Variants in RALYL observed in about 807,000 individuals in gnomAD.
RALYL encodes the protein RALY RNA binding protein like, also known as RNA-binding Raly-like protein.
Under a neutral mutation model 35.1 loss-of-function variants are expected in RALYL, and 29 were observed. The ratio of observed to expected loss-of-function variants is 0.83; its 90% CI spans 0.61 to 1.13. RALYL has a LOEUF of 1.13. RALYL is among the 50% of genes most tolerant of loss of function. The pLI, the probability that RALYL is intolerant of heterozygous loss-of-function variation, is 0.00. For missense variants in RALYL, 359 were observed against 360.4 expected, an observed-to-expected ratio of 1.00 and a Z score of 0.03; for synonymous variants, 120 against 127.6, an observed-to-expected ratio of 0.94 and a Z score of 0.40.
intron 2 of RALYL, among the ~76,000 whole-genome samples, chr8:84,661,549 G>T (rs1588844728): frequency 6.7e-6 from 1 of 148,528 alleles, no homozygotes; most frequent in Non-Finnish European, 1.5e-5. Context: ...GAATTATTTT[G>T]ATATAGGCAT....
chr8:84,856,086 C>T (rs1299964440), intron 5 of RALYL, among the ~76,000 whole-genome samples: 1 of 152,190 alleles, frequency 6.6e-6, no homozygotes, highest in Non-Finnish European at 1.5e-5. Context: ...TTTGAACTAT[C>T]CTCTGGTAGT....
intron 1 of RALYL, among the ~76,000 whole-genome samples, chr8:84,358,030 G>A (rs772921613): frequency 1.6e-4 from 25 of 151,614 alleles, no homozygotes; most frequent in Admixed American, 1.1e-3. Context: ...TAATTTTGAA[G>A]AATACATTAG....
intron 1 of RALYL, among the ~76,000 whole-genome samples, chr8:84,329,953 A>C (rs542735421): frequency 6.6e-6 from 1 of 152,040 alleles, no homozygotes; most frequent in Non-Finnish European, 1.5e-5. Context: ...TAAAAGCACT[A>C]CCTTATAGTT....
intron 1 of RALYL, among the ~76,000 whole-genome samples, chr8:84,232,570 G>C (rs765650241): frequency 6.6e-6 from 1 of 152,048 alleles, no homozygotes; most frequent in Non-Finnish European, 1.5e-5. Context: ...CTTAAAAAAT[G>C]CAAAGACAGT....
At position 84,226,784 on chromosome 8, in the gene RALYL, C is replaced by G. The variant is rs112190900; in HGVS notation, c.-24+42360C>G. Among the ~76,000 whole-genome samples the G allele has an allele frequency of 8.1e-3, 1,229 of 152,162 alleles. 23 individuals are homozygous for G. The highest frequency in any genetic ancestry group is 0.028 in the African/African-American group (1,157 of 41,514). ...AATTTCTCTATACGGTGTTTAAGAA[C>G]AATTTTCAAAATTAAAAATCCAGTT... is the stretch of plus-strand genomic sequence containing the variant. On this transcript the variant is annotated intron_variant, in intron 1 of 8. Coordinates refer to ENST00000521268, the MANE Select transcript of RALYL (RefSeq NM_173848.7).
intron 2 of RALYL, among the ~76,000 whole-genome samples, chr8:84,668,538 A>G (rs998383914): frequency 6.6e-6 from 1 of 152,176 alleles, no homozygotes; most frequent in Non-Finnish European, 1.5e-5. Flanking sequence ...TTCCAACATT[A>G]TGCTGAGAAG....
intron 1 of RALYL, among the ~76,000 whole-genome samples, chr8:84,496,545 A>G (rs890770666): frequency 6.6e-6 from 1 of 152,172 alleles, no homozygotes; most frequent in Non-Finnish European, 1.5e-5. Flanking sequence ...TGAAGCTGCT[A>G]TATATACACT....
chr8:84,815,014 T>C (rs1239502158), intron 4 of RALYL, among the ~76,000 whole-genome samples: 1 of 152,172 alleles, frequency 6.6e-6, no homozygotes, highest in Non-Finnish European at 1.5e-5. Context: ...ACCTCCATTG[T>C]TTTCCATACA....
At chr8:84,460,666 T>C (rs1357926036) in intron 1 of RALYL, among the ~76,000 whole-genome samples, 3 of 151,630 alleles carry the variant, frequency 2.0e-5, no homozygotes, top group Non-Finnish European at 4.4e-5. Context: ...TATATGAAAA[T>C]AATATAACTA....
At chr8:84,633,874 A>G (rs1230894942) in intron 2 of RALYL, among the ~76,000 whole-genome samples, 1 of 151,872 alleles carries the variant, frequency 6.6e-6, no homozygotes, top group Admixed American at 6.6e-5. Context: ...AGTCCTACTT[A>G]TAATTGTTTG....
At chr8:84,529,860 C>T (rs2059159817) in intron 2 of RALYL, among the ~76,000 whole-genome samples, 1 of 152,138 alleles carries the variant, frequency 6.6e-6, no homozygotes, top group South Asian at 2.1e-4. Flanking sequence ...TCAGGTTTAA[C>T]TTTATTTGAC....
intron 2 of RALYL, among the ~76,000 whole-genome samples, chr8:84,554,786 G>A (rs890345484): frequency 6.6e-6 from 1 of 152,114 alleles, no homozygotes; most frequent in African/African-American, 2.4e-5. Flanking sequence ...CTATATAAAT[G>A]CAAGTAAATA....
chr8:84,755,676 T>A (rs1811218389), intron 2 of RALYL, among the ~76,000 whole-genome samples: 1 of 151,998 alleles, frequency 6.6e-6, no homozygotes, highest in African/African-American at 2.4e-5. Context: ...GCCAATGTTG[T>A]TTCTTAATAT....
chr8:84,277,157 T>C (rs915108243), intron 1 of RALYL, among the ~76,000 whole-genome samples: 2 of 152,192 alleles, frequency 1.3e-5, no homozygotes, highest in East Asian at 1.9e-4. Flanking sequence ...GGGTAATTTA[T>C]GAAAGAAAGA....
chr8:84,715,881 A>G (rs1842886023), intron 2 of RALYL, among the ~76,000 whole-genome samples: 1 of 152,084 alleles, frequency 6.6e-6, no homozygotes, highest in Non-Finnish European at 1.5e-5. Flanking sequence ...TATTGACTCA[A>G]AGTATTAATG....
At chr8:84,565,000 C>T (rs1160589594) in intron 2 of RALYL, among the ~76,000 whole-genome samples, 1 of 151,516 alleles carries the variant, frequency 6.6e-6, no homozygotes, top group East Asian at 1.9e-4. Context: ...AGCTGATATT[C>T]ATTTTGTTAA....
intron 2 of RALYL, among the ~76,000 whole-genome samples, chr8:84,681,231 C>A (rs1384939115): frequency 2.0e-5 from 3 of 152,082 alleles, no homozygotes; most frequent in Non-Finnish European, 2.9e-5. Context: ...GGTACCAGTA[C>A]CATGGTGTTT....
chr8:84,317,109 CA>C (rs1257435701), intron 1 of RALYL, among the ~76,000 whole-genome samples: 1 of 152,098 alleles, frequency 6.6e-6, no homozygotes, highest in Non-Finnish European at 1.5e-5. Context: ...AGGGATGAAG[CA>C]CATAAAAACT....
chr8:84,693,883 T>A (rs181193189), intron 2 of RALYL, among the ~76,000 whole-genome samples: 177 of 151,814 alleles, frequency 1.2e-3, no homozygotes, highest in East Asian at 1.4e-3. Context: ...ACCTCAAAGA[T>A]GAAGAAAAAT....
Sources: gnomAD v4.1 joint callset for allele counts (sites outside exome capture counted in the v4.1 genomes callset) on GRCh38, gnomAD v4.1.1 for gene constraint, MANE v1.5 for transcripts, NCBI Gene and HGNC (gene_info 2026-07-23, HGNC 2026-07-21) for gene names.